LZTR1: variants seen among roughly 807,000 people sequenced by gnomAD.
LZTR1 encodes leucine-zipper-like transcriptional regulator 1.
LZTR1 carries 260 observed loss-of-function variants against 105.7 expected under a neutral mutation model. The observed-to-expected ratio is 2.46, with a 90% CI of 2.22 to 2.72. The LOEUF (loss-of-function observed/expected upper bound fraction) is 2.72. Ranked by LOEUF, LZTR1 falls within the 30% of genes most tolerant of loss-of-function variation. The pLI is 0.00. For missense variants in LZTR1, 1,214 were observed against 1,166.9 expected (o/e 1.04, Z -0.59); for synonymous variants, 490 against 476.4 (o/e 1.03, Z -0.37).
chr22:20,984,963 C>T (rs1445624182), intron 2 of LZTR1, among the ~76,000 whole-genome samples: 1 of 152,132 alleles, frequency 6.6e-6, no homozygotes, highest in African/African-American at 2.4e-5. Flanking sequence ...GTGGCTCACA[C>T]CTGTAATCCC....
chr22:20,990,735 G>A (rs1056410418), intron 8 of LZTR1: 5 of 556,250 alleles, frequency 9.0e-6, no homozygotes, highest in South Asian at 2.2e-5. Flanking sequence ...AAGGCCTGGC[G>A]AGGAGGCCCC....
At chr22:20,984,608 TA>T (rs1924305419) in intron 2 of LZTR1, among the ~76,000 whole-genome samples, 2 of 4,102 alleles carry the variant, frequency 4.9e-4, no homozygotes, top group Admixed American at 0.014. Flanking sequence ...GTGGGGCAAG[TA>T]AGGAGGGGGG....
At position 20,994,621 on chromosome 22, in the gene LZTR1, G is replaced by A. The variant is rs1261832837; in HGVS notation, c.1679G>A (p.Cys560Tyr). The change falls in exon 15 of 21, where the codon TGC becomes TAC. Residue 560 changes from cysteine to tyrosine, a missense_variant. Coordinates refer to ENST00000646124, the MANE Select transcript of LZTR1 (RefSeq NM_006767.4). ...AAACTGGCACTGAGCTTCCAGTTGT[G>A]CCGCCTGGAGCAGCTGTGCCGCCAG... The part of the protein sequence containing the change: ...VYKLALSFQL[C>Y]RLEQLCRQYI... 1 of 1,612,510 alleles carries A rather than the reference G, an allele frequency of 6.2e-7. No individual in the cohort carries two copies. Among genetic ancestry groups the A allele is most frequent in the Non-Finnish European group, 8.5e-7 (1 of 1,179,834 alleles).
intron 18 of LZTR1, 84 bp downstream of exon 18, chr22:20,996,196 T>C: frequency 6.8e-7 from 1 of 1,462,494 alleles, no homozygotes; most frequent in Non-Finnish European, 9.4e-7. Flanking sequence ...CCCGCTCTCC[T>C]GCCCCAGCTA....
intron 11 of LZTR1, 88 bp from the exon 12 acceptor site, chr22:20,993,574 A>G: frequency 9.1e-7 from 1 of 1,101,334 alleles, no homozygotes; most frequent in Non-Finnish European, 1.3e-6. Context: ...AGCATGGGCC[A>G]GGTGGGGACC....
At chr22:20,995,427 GT>G (rs1329123562) in intron 16 of LZTR1, 2 of 627,322 alleles carry the variant, frequency 3.2e-6, no homozygotes, top group South Asian at 3.0e-5. Context: ...CTGGCTCTTG[GT>G]GATGTCTGCA....
chr22:20,992,222 G>T lies in LZTR1; in HGVS notation c.1002G>T (p.Gly334=). 1 of 1,613,446 alleles carries T rather than the reference G, an allele frequency of 6.2e-7. No homozygotes were observed. The highest frequency in any genetic ancestry group is 8.5e-7 in the Non-Finnish European group (1 of 1,179,810). The change falls in exon 10 of 21, where the codon GGG becomes GGT. Residue 334 remains glycine, a synonymous_variant. Coordinates refer to ENST00000646124, the MANE Select transcript of LZTR1 (RefSeq NM_006767.4). The part of the protein sequence containing the change: ...VQPSSDSEVG[G]AEVPERACAS... The stretch of plus-strand genomic sequence containing the variant: ...GTGTCTCCCCTCTTCAGGTTGGTGG[G>T]GCTGAAGTGCCCGAGCGAGCCTGTG...
Position 20,992,257 on chromosome 22 carries a change from A to G in LZTR1, c.1037A>G (p.Glu346Gly). 1 of 1,613,948 alleles carries G rather than the reference A, an allele frequency of 6.2e-7. No homozygotes were observed. Among genetic ancestry groups the G allele is most frequent in the Non-Finnish European group, 8.5e-7 (1 of 1,179,960 alleles). ...CCCGAGCGAGCCTGTGCTTCCGAGG[A>G]GGTGCCCACCCTGACCTATGAGGAG... ...EVPERACASE[E>G]VPTLTYEERV... The change falls in exon 10 of 21, where the codon GAG becomes GGG. Residue 346 changes from glutamate to glycine, a missense_variant. Physicochemically the swap from Glu to Gly is moderately conservative, Grantham distance 98. Coordinates refer to ENST00000646124, the MANE Select transcript of LZTR1 (RefSeq NM_006767.4).
In LZTR1 at chr22:20,997,272, TGC is replaced by T; in HGVS notation, c.2448_2449del (p.Leu817AlafsTer33). The T allele has an allele frequency of 6.2e-7, 1 of 1,613,494 alleles. No homozygotes were observed. Among genetic ancestry groups the T allele is most frequent in the Non-Finnish European group, 8.5e-7 (1 of 1,179,618 alleles). On this transcript the variant is annotated frameshift_variant, in exon 21 of 21. Coordinates refer to ENST00000646124, the MANE Select transcript of LZTR1 (RefSeq NM_006767.4). LOFTEE classifies it high-confidence loss of function. Reference sequence around the variant, plus strand: ...ACCCTGCGGTCGCTGAGCCAGCAGCTGCTGCTGGACATCATAGACTCCCTGGC... The same window carrying T: ...ACCCTGCGGTCGCTGAGCCAGCAGCTTGCTGGACATCATAGACTCCCTGGC...
chr22:20,987,558 C>A lies in LZTR1; in HGVS notation c.375C>A (p.Val125=), dbSNP rs201356174. ...PAPRYHHSAV[V]YGSSMFVFGG... is the part of the protein sequence containing the mutation. The stretch of plus-strand genomic sequence containing the variant: ...CCCGTTACCACCACTCGGCCGTCGT[C>A]TATGGGAGCAGCATGTTTGTCTTTG... Residue 125 remains valine (V), a synonymous_variant, in exon 4 of 21, where the codon GTC becomes GTA. Coordinates refer to ENST00000646124, the MANE Select transcript of LZTR1 (RefSeq NM_006767.4). 30 of 1,614,168 alleles carry A rather than the reference C, an allele frequency of 1.9e-5. No individual in the cohort carries two copies. Among genetic ancestry groups the A allele is most frequent in the Non-Finnish European group, 2.5e-5 (29 of 1,180,026 alleles).
Position 20,991,726 on chromosome 22 carries a change from A to C in LZTR1, c.890A>C (p.Tyr297Ser), listed in dbSNP as rs1478860986. The C allele has an allele frequency of 6.3e-7, 1 of 1,583,684 alleles. No homozygotes were observed. Among genetic ancestry groups the C allele is most frequent in the Non-Finnish European group, 8.6e-7 (1 of 1,165,180 alleles). ...ATGGTGGCCTTTGACCGCCACCTCT[A>C]TGTGTTTGGGGGTGCGGCCGACAAC... ...HTMVAFDRHL[Y>S]VFGGAADNTL... Residue 297 changes from tyrosine (Y) to serine (S), a missense_variant, in exon 9 of 21, where the codon TAT (tyrosine) becomes TCT (serine). By Grantham distance (144) the Tyr-to-Ser change is moderately radical. Coordinates refer to ENST00000646124, the MANE Select transcript of LZTR1 (RefSeq NM_006767.4).
At chr22:20,996,862 G>A (rs757258862) in intron 19 of LZTR1, 24 bp from the exon 20 acceptor site, 8 of 1,612,066 alleles carry the variant, frequency 5.0e-6, no homozygotes, top group African/African-American at 2.7e-5. Context: ...AAGGGGCAGC[G>A]CCTCAAGGTC....
chr22:20,983,449 T>C (rs1403377723), intron 2 of LZTR1, among the ~76,000 whole-genome samples: 2 of 152,246 alleles, frequency 1.3e-5, no homozygotes, highest in Non-Finnish European at 2.9e-5. Flanking sequence ...GTTTTATTTA[T>C]TTCATGCATT....
intron 5 of LZTR1, 91 bp downstream of exon 5, chr22:20,988,209 C>T (rs1924469731): frequency 1.3e-6 from 1 of 783,004 alleles, no homozygotes; most frequent in Non-Finnish European, 2.2e-6. Flanking sequence ...CAGATGAGGA[C>T]CCTGAGGGCA....
intron 15 of LZTR1, 64 bp downstream of exon 15, chr22:20,994,791 T>C: frequency 6.2e-7 from 1 of 1,607,614 alleles, no homozygotes; most frequent in Non-Finnish European, 8.5e-7. Flanking sequence ...GCCCCCTCCC[T>C]GCCCACCACT....
chr22:20,985,598 T>C (rs1296795919), intron 2 of LZTR1, among the ~76,000 whole-genome samples: 1 of 152,194 alleles, frequency 6.6e-6, no homozygotes, highest in Non-Finnish European at 1.5e-5. Flanking sequence ...ACATTCATGC[T>C]TTGGTCCTGA....
At chr22:20,993,829 C>T (rs1298093612) in intron 12 of LZTR1, 75 bp downstream of exon 12, 2 of 1,568,176 alleles carry the variant, frequency 1.3e-6, no homozygotes, top group East Asian at 4.6e-5. Context: ...AGAAAAACAG[C>T]TGCTGGCCTG....
intron 6 of LZTR1, 133 bp downstream of exon 6, chr22:20,989,005 G>C: frequency 1.3e-6 from 1 of 753,880 alleles, no homozygotes; most frequent in South Asian, 1.6e-5. Context: ...CTCTGTCTGG[G>C]GGTTTCTTGG....
At position 20,992,938 on chromosome 22, in the gene LZTR1, G is replaced by A. The variant is rs1265339927; in HGVS notation, c.1260+34G>A. ...CCTGTGGGCCTGTAGAGCCGGCTGG[G>A]TGGACGGATCCCCCGTGATGAGAAA... On this transcript the variant is annotated intron_variant, in intron 11 of 20. Coordinates refer to ENST00000646124, the MANE Select transcript of LZTR1 (RefSeq NM_006767.4). The A allele has an allele frequency of 2.1e-6, 3 of 1,418,828 alleles. No homozygotes were observed. The Admixed American group carries it at 5.9e-5, about 28-fold the overall frequency. 87.9% of individuals were successfully genotyped at this position (1,418,828 alleles called of 1,614,324 possible).
Sources: gnomAD v4.1 joint callset for allele counts (sites outside exome capture counted in the v4.1 genomes callset) on GRCh38, gnomAD v4.1.1 for gene constraint, MANE v1.5 for transcripts, NCBI Gene and HGNC (gene_info 2026-07-23, HGNC 2026-07-21) for gene names.